Variants in HERC4 observed in about 807,000 individuals in gnomAD.
The protein encoded by HERC4 is probable E3 ubiquitin-protein ligase HERC4.
A neutral mutation model predicts 124.3 loss-of-function variants in HERC4; 28 were observed. The ratio of observed to expected loss-of-function variants is 0.23; its 90% confidence interval spans 0.17 to 0.31. The LOEUF is 0.31. Ranked by LOEUF, HERC4 falls within the 10% of genes least tolerant of loss-of-function variation. The probability of loss-of-function intolerance (pLI) is 1.00; values close to 1 mark genes in which losing one functional copy is unlikely to be tolerated. For missense variants in HERC4, 713 were observed against 1,229.3 expected, an observed-to-expected ratio of 0.58 and a Z score of 6.28; for synonymous variants, 407 against 421.5, an observed-to-expected ratio of 0.97 and a Z score of 0.42.
At chr10:67,957,813 T>G (rs1278441387) in intron 16 of HERC4, among the ~76,000 whole-genome samples, 1 of 150,948 alleles carries the variant, frequency 6.6e-6, no homozygotes, top group African/African-American at 2.4e-5. Flanking sequence ...TGAATCTGCA[T>G]TTTTTTTTCC....
At chr10:67,978,654 G>A (rs912271848) in intron 15 of HERC4, among the ~76,000 whole-genome samples, 2 of 152,222 alleles carry the variant, frequency 1.3e-5, no homozygotes, top group South Asian at 2.1e-4. Context: ...GTTATAACAG[G>A]CCTTGGGTGA....
chr10:68,051,016 A>C (rs1288415914), intron 3 of HERC4, among the ~76,000 whole-genome samples: 1 of 152,028 alleles, frequency 6.6e-6, no homozygotes, highest in Non-Finnish European at 1.5e-5. Context: ...ATTTACCTTT[A>C]AAGGCCAATA....
chr10:67,946,348 A>ACACACACACAC (rs2033336087), intron 19 of HERC4, among the ~76,000 whole-genome samples: 1 of 128,474 alleles, frequency 7.8e-6, no homozygotes, highest in Non-Finnish European at 1.6e-5. Context: ...ATAAAACACA[A>ACACACACACAC]ACACACACAC....
At chr10:67,936,012 G>A (rs902485618) in intron 22 of HERC4, 141 bp downstream of exon 22, 10 of 508,694 alleles carry the variant, frequency 2.0e-5, no homozygotes, top group Non-Finnish European at 3.5e-5. Context: ...AGGAGGAAAA[G>A]GCAGATTATT....
Position 67,932,249 on chromosome 10 carries a change from G to A in HERC4, c.2838+348C>T, listed in dbSNP as rs1382110539. On this transcript the variant is annotated intron_variant, in intron 23 of 24. Coordinates refer to ENST00000373700, the MANE Select transcript of HERC4 (RefSeq NM_015601.4). ...TGGGGTTACAGGTGTAAGCCACCAC[G>A]CCTGGCCTAAGTTATTTTTAGAGAT... is the stretch of plus-strand genomic sequence containing the variant. 3.9e-5 allele frequency among the ~76,000 whole-genome samples: 6 copies of A among 152,112 alleles called. No homozygotes were observed. The South Asian group carries it at 1.2e-3, about 32-fold the overall frequency.
Position 67,987,589 on chromosome 10 carries a change from C to T in HERC4, c.1806+1074G>A, listed in dbSNP as rs550905602. On this transcript the variant is annotated intron_variant, in intron 15 of 24. Coordinates refer to ENST00000373700, the MANE Select transcript of HERC4 (RefSeq NM_015601.4). ...GGACCCTGATATGCTAAAAGAAAGC[C>T]CTGTTCTGGGTAAAGGCAAACATAA... 8.5e-5 allele frequency among the ~76,000 whole-genome samples: 13 copies of T among 152,174 alleles called. No individual in the cohort carries two copies. In the East Asian group the frequency reaches 1.9e-3, roughly 23 times the overall value.
At chr10:68,019,744 G>C (rs1438226094) in intron 8 of HERC4, among the ~76,000 whole-genome samples, 2 of 152,204 alleles carry the variant, frequency 1.3e-5, no homozygotes, top group Non-Finnish European at 2.9e-5. Context: ...GTGTAATGCA[G>C]CCATGAACAG....
At chr10:68,051,522 G>T (rs2485679) in intron 3 of HERC4, among the ~76,000 whole-genome samples, 16,879 of 145,266 alleles carry the variant, frequency 0.12, 1,067 homozygotes, top group Middle Eastern at 0.19. Flanking sequence ...TTTTTTTTTG[G>T]TTTTTTTTTT....
intron 7 of HERC4, among the ~76,000 whole-genome samples, chr10:68,031,150 C>A (rs1435627232): frequency 6.6e-6 from 1 of 152,148 alleles, no homozygotes; most frequent in Non-Finnish European, 1.5e-5. Context: ...TAGCTACTAT[C>A]TTCTGAGAGA....
chr10:67,944,600 AC>A (rs1398110817), intron 19 of HERC4, among the ~76,000 whole-genome samples: 10 of 152,196 alleles, frequency 6.6e-5, no homozygotes, highest in Non-Finnish European at 1.5e-4. Flanking sequence ...ACCTCACCAA[AC>A]GAACTAAATA....
chr10:68,045,139 G>A (rs567545908), intron 3 of HERC4, among the ~76,000 whole-genome samples: 1 of 152,164 alleles, frequency 6.6e-6, no homozygotes. Flanking sequence ...TGGCCAAAAC[G>A]GTGAAACCCC....
intron 9 of HERC4, chr10:68,010,707 G>A: frequency 1.3e-6 from 2 of 1,483,484 alleles, no homozygotes; most frequent in Non-Finnish European, 1.9e-6. Flanking sequence ...TTGAAGCTAA[G>A]CTGTTGAGCC....
chr10:68,019,256 A>G (rs1035524550), intron 8 of HERC4, among the ~76,000 whole-genome samples: 1 of 152,116 alleles, frequency 6.6e-6, no homozygotes, highest in Non-Finnish European at 1.5e-5. Flanking sequence ...TCGGCCTCCC[A>G]AAGTGCTGAG....
intron 3 of HERC4, among the ~76,000 whole-genome samples, chr10:68,049,598 A>AAAAC: frequency 6.7e-6 from 1 of 150,062 alleles, no homozygotes; most frequent in African/African-American, 2.5e-5. Flanking sequence ...CACAAAAAAA[A>AAAAC]AAAAAAAAAA....
intron 3 of HERC4, among the ~76,000 whole-genome samples, chr10:68,072,594 C>T (rs1175758111): frequency 1.3e-5 from 2 of 151,950 alleles, no homozygotes; most frequent in African/African-American, 4.8e-5. Context: ...AGGACCTGCA[C>T]ACTACACACT....
intron 2 of HERC4, 44 bp from the exon 3 acceptor site, chr10:68,073,230 G>T: frequency 1.5e-6 from 1 of 682,640 alleles, no homozygotes; most frequent in Non-Finnish European, 2.5e-6. Flanking sequence ...AAGAAAAAAG[G>T]ATGTATAATT....
intron 23 of HERC4, among the ~76,000 whole-genome samples, chr10:67,929,019 T>C (rs758723798): frequency 1.5e-4 from 23 of 152,224 alleles, no homozygotes; most frequent in Non-Finnish European, 2.6e-4. Flanking sequence ...ATCTCCTTAC[T>C]TTCTGTCTTC....
intron 19 of HERC4, among the ~76,000 whole-genome samples, chr10:67,945,667 C>T (rs1238999453): frequency 6.6e-6 from 1 of 151,744 alleles, no homozygotes; most frequent in East Asian, 1.9e-4. Context: ...GTAAAATAAA[C>T]AGAAACAACA....
chr10:68,039,364 G>C (rs908268256), intron 4 of HERC4: 2 of 1,511,502 alleles, frequency 1.3e-6, no homozygotes, highest in Admixed American at 2.3e-5. Flanking sequence ...ACGGGGGATG[G>C]GGAGGTACAC....
Sources: allele counts gnomAD v4.1 joint callset (sites outside exome capture counted in the v4.1 genomes callset), GRCh38; gene constraint gnomAD v4.1.1; transcripts MANE v1.5; gene names NCBI Gene and HGNC (gene_info 2026-07-23, HGNC 2026-07-21).